Variants in ADA2 observed in about 807,000 individuals in gnomAD.
The protein encoded by ADA2 is adenosine deaminase 2, also known as adenosine deaminase CECR1.
A neutral mutation model predicts 44.2 loss-of-function variants in ADA2; 29 were observed. The observed-to-expected ratio is 0.66, with a 90% confidence interval of 0.49 to 0.89. The LOEUF (loss-of-function observed/expected upper bound fraction) is 0.89. ADA2 is among the 40% of genes least tolerant of loss of function. The probability of loss-of-function intolerance (pLI) is 0.00; values close to 1 mark genes in which losing one functional copy is unlikely to be tolerated. For synonymous variants in ADA2, 215 were observed against 234.9 expected, an observed-to-expected ratio of 0.92 and a Z score of 0.77; for missense variants, 637 against 644.8, an observed-to-expected ratio of 0.99 and a Z score of 0.13.
chr22:17,219,331 A>T (rs999734302), intron 1 of ADA2, 25 bp downstream of exon 1: 3 of 152,478 alleles, frequency 2.0e-5, no homozygotes, highest in Admixed American at 6.5e-5. Flanking sequence ...TCATCATCCC[A>T]CAGCTCCCAA....
In ADA2 at chr22:17,181,185, G is replaced by T; in HGVS notation, c.*298C>A. The T allele has an allele frequency of 3.0e-6, 1 of 331,882 alleles. No homozygotes were observed. Among genetic ancestry groups the T allele is most frequent in the Non-Finnish European group, 5.6e-6 (1 of 178,332 alleles). The allele number at this position is 331,882 out of a possible 1,614,324, so 20.6% of individuals were successfully genotyped here. A position where few individuals can be genotyped will look rare whatever the true frequency, so the allele number is the denominator to read the frequency against. On this transcript the variant is annotated 3_prime_UTR_variant, in exon 10 of 10. Transcript: ENST00000399837. ...AATAAAGAGACCAGAATAGAAGAGAGCCCAGGACTGAGTCCTGAGGAAACA... is the reference window on the plus strand; with the variant it reads ...AATAAAGAGACCAGAATAGAAGAGATCCCAGGACTGAGTCCTGAGGAAACA...
chr22:17,191,833 A>G (rs2062119062), intron 4 of ADA2, 23 bp from the exon 5 acceptor site: 1 of 1,604,506 alleles, frequency 6.2e-7, no homozygotes, highest in Admixed American at 1.7e-5. Flanking sequence ...CACAACCAGG[A>G]GCCGTCAGGT....
intron 1 of ADA2, among the ~76,000 whole-genome samples, chr22:17,215,013 C>T (rs1191853749): frequency 6.6e-6 from 1 of 152,174 alleles, no homozygotes; most frequent in African/African-American, 2.4e-5. Flanking sequence ...GGCAGAGCCC[C>T]AGTACAAACA....
intron 4 of ADA2, chr22:17,199,446 T>TCCCTCCCCACCTCTATACACTTCCCCA: frequency 1.1e-6 from 1 of 917,628 alleles, no homozygotes; most frequent in Non-Finnish European, 1.7e-6. Flanking sequence ...CCTCTTCCCC[T>TCCCTCCCCACCTCTATACACTTCCCCA]CCACCCACGA....
At chr22:17,189,917 C>G (rs2231492) in intron 6 of ADA2, 25 bp downstream of exon 6, 1 of 1,557,454 alleles carries the variant, frequency 6.4e-7, no homozygotes, top group African/African-American at 1.4e-5. Flanking sequence ...TAACAGGCAG[C>G]CCTTCTGTTC....
chr22:17,200,651 G>A (rs2062268803), intron 4 of ADA2, among the ~76,000 whole-genome samples: 1 of 152,072 alleles, frequency 6.6e-6, no homozygotes, highest in South Asian at 2.1e-4. Flanking sequence ...GGAGGCCGAG[G>A]TGGGTGGATC....
chr22:17,202,343 T>C lies in ADA2; in HGVS notation c.753+1220A>G, dbSNP rs567063828. 4.7e-4 allele frequency among the ~76,000 whole-genome samples: 71 copies of C among 152,180 alleles called. 1 individual carries two copies. The highest frequency in any genetic ancestry group is 4.3e-3 in the Admixed American group (66 of 15,268). On this transcript the variant is annotated intron_variant, in intron 4 of 9. Transcript: ENST00000399837. ...CAGGGTTTCACCATGTTGGCCAGGA[T>C]GGTCTCGATCTCGACCTCGTGATCC...
At chr22:17,201,396 T>C (rs1050160745) in intron 4 of ADA2, among the ~76,000 whole-genome samples, 1 of 152,154 alleles carries the variant, frequency 6.6e-6, no homozygotes, top group Non-Finnish European at 1.5e-5. Flanking sequence ...CTTCGGAGCG[T>C]ATAAAAGCCT....
At position 17,209,567 on chromosome 22, in the gene ADA2, C is replaced by CA. The variant is rs1568988767; in HGVS notation, c.110dup (p.Leu38ValfsTer24). 1 of 1,614,132 alleles carries CA rather than the reference C, an allele frequency of 6.2e-7. No homozygotes were observed. The highest frequency in any genetic ancestry group is 8.5e-7 in the Non-Finnish European group (1 of 1,180,028). On this transcript the variant is annotated frameshift_variant, in exon 2 of 10. Transcript: ENST00000399837. LOFTEE classifies it high-confidence loss of function. ...GCCGCATCATCTTTTCTTTCAACAA[C>CA]AGATGCGCCCGTGTTTCATCTATGG...
At chr22:17,184,579 G>A (rs1335858056) in intron 7 of ADA2, among the ~76,000 whole-genome samples, 1 of 151,954 alleles carries the variant, frequency 6.6e-6, no homozygotes, top group African/African-American at 2.4e-5. Context: ...AAATCGGTGG[G>A]ATGCATGTAC....
intron 6 of ADA2, chr22:17,189,672 A>G (rs1025453022): frequency 1.5e-5 from 6 of 406,522 alleles, no homozygotes; most frequent in South Asian, 5.1e-5. Flanking sequence ...CCTGAATGCC[A>G]TCCTTATTCT....
rs537118733 is a variant in ADA2, at chr22:17,213,180, C to CAAAA, written c.-46-3461_-46-3458dup. Among the ~76,000 whole-genome samples the CAAAA allele has an allele frequency of 5.9e-5, 9 of 152,028 alleles. No homozygotes were observed. The South Asian group carries it at 1.9e-3, about 32-fold the overall frequency. On this transcript the variant is annotated intron_variant, in intron 1 of 9. Transcript: ENST00000399837. The stretch of plus-strand genomic sequence containing the variant: ...CAAAAAATGGCTATTACTTAAAAGG[C>CAAAA]AAAAAATAACAGATGCTGGTGAGGA...
chr22:17,207,829 T>TG (rs1378284401), intron 2 of ADA2, among the ~76,000 whole-genome samples: 1 of 152,148 alleles, frequency 6.6e-6, no homozygotes, highest in East Asian at 1.9e-4. Flanking sequence ...CCTCTCATCC[T>TG]GCCCCTCAAC....
At chr22:17,206,719 G>T (rs362047) in intron 3 of ADA2, among the ~76,000 whole-genome samples, 1 of 151,716 alleles carries the variant, frequency 6.6e-6, no homozygotes, top group African/African-American at 2.4e-5. Context: ...AGTTCACTGT[G>T]GCCTCAACCT....
intron 1 of ADA2, chr22:17,214,276 G>T: frequency 3.5e-6 from 1 of 285,588 alleles, no homozygotes; most frequent in Non-Finnish European, 6.8e-6. Context: ...CGCATCTTCT[G>T]CTACAAACTG....
intron 7 of ADA2, among the ~76,000 whole-genome samples, chr22:17,183,861 T>C (rs2062003261): frequency 6.6e-6 from 1 of 152,012 alleles, no homozygotes; most frequent in Non-Finnish European, 1.5e-5. Flanking sequence ...TTAATTTATA[T>C]ATTTAATAGT....
chr22:17,197,260 CTTTT>C (rs1568979237), intron 4 of ADA2, among the ~76,000 whole-genome samples: 1 of 143,008 alleles, frequency 7.0e-6, no homozygotes, highest in African/African-American at 2.6e-5. Flanking sequence ...TTCTTTCTTT[CTTTT>C]TTTTCTTTTT....
At chr22:17,217,196 G>A (rs1463418744) in intron 1 of ADA2, among the ~76,000 whole-genome samples, 5 of 151,586 alleles carry the variant, frequency 3.3e-5, no homozygotes, top group Non-Finnish European at 7.4e-5. Context: ...ATTATTGGTT[G>A]AAGAAATCCA....
intron 1 of ADA2, among the ~76,000 whole-genome samples, chr22:17,210,541 C>G (rs2062408222): frequency 6.6e-6 from 1 of 151,934 alleles, no homozygotes; most frequent in Non-Finnish European, 1.5e-5. Flanking sequence ...CTGGCTCATG[C>G]ATAAAGACAC....
Sources: allele counts gnomAD v4.1 joint callset (sites outside exome capture counted in the v4.1 genomes callset), GRCh38; gene constraint gnomAD v4.1.1; transcripts MANE v1.5; gene names NCBI Gene and HGNC (gene_info 2026-07-23, HGNC 2026-07-21).